Variants in RIMS1 observed in about 807,000 individuals in gnomAD.
The protein encoded by RIMS1 is regulating synaptic membrane exocytosis 1, also known as regulating synaptic membrane exocytosis protein 1.
Under a neutral mutation model 214.1 loss-of-function variants are expected in RIMS1, and 83 were observed. That is an observed-to-expected ratio of 0.39 (90% CI 0.32 to 0.47). The LOEUF is 0.47. Among genes scored for constraint, RIMS1 ranks in the 20% least tolerant of loss-of-function variants. The pLI is 0.99. For synonymous variants in RIMS1, 793 were observed against 786.8 expected (o/e 1.01, Z -0.13); for missense variants, 2,050 against 2,161.8 (o/e 0.95, Z 1.03).
In RIMS1 at chr6:71,951,160, C is replaced by T. The variant is rs755892830; in HGVS notation, c.165-17823C>T. Among the ~76,000 whole-genome samples the T allele has an allele frequency of 4.6e-5, 7 of 152,158 alleles. 1 individual carries two copies. The East Asian group carries it at 1.3e-3, about 29-fold the overall frequency. ...CTGTTTTTATACTTTTTTCCCTTTTCTTACCTATGATGGACTGTTCAGATT... is the reference window on the plus strand; with the variant it reads ...CTGTTTTTATACTTTTTTCCCTTTTTTTACCTATGATGGACTGTTCAGATT... On this transcript the variant is annotated intron_variant, in intron 1 of 33. Coordinates refer to ENST00000521978, the MANE Select transcript of RIMS1 (RefSeq NM_014989.7).
At chr6:72,339,234 T>C (rs17689957) in intron 29 of RIMS1, among the ~76,000 whole-genome samples, 1 of 151,746 alleles carries the variant, frequency 6.6e-6, no homozygotes, top group Non-Finnish European at 1.5e-5. Flanking sequence ...GGAAGGACTT[T>C]GCACAACTGA....
At chr6:72,203,927 T>A (rs894289245) in intron 6 of RIMS1, among the ~76,000 whole-genome samples, 3 of 152,212 alleles carry the variant, frequency 2.0e-5, no homozygotes, top group Non-Finnish European at 4.4e-5. Flanking sequence ...TGAGAATTTT[T>A]TTTTGGTATC....
chr6:72,102,993 T>C (rs562309804), intron 4 of RIMS1, among the ~76,000 whole-genome samples: 66 of 152,228 alleles, frequency 4.3e-4, no homozygotes, highest in Non-Finnish European at 7.5e-4. Flanking sequence ...ACTTTTATGT[T>C]TTCTTCTTTT....
At chr6:71,961,666 C>T (rs765973336) in intron 1 of RIMS1, among the ~76,000 whole-genome samples, 4 of 152,086 alleles carry the variant, frequency 2.6e-5, no homozygotes, top group Non-Finnish European at 5.9e-5. Flanking sequence ...TTATTTGATA[C>T]CTCCCTCTGA....
At chr6:72,050,768 G>A (rs914153255) in intron 2 of RIMS1, among the ~76,000 whole-genome samples, 5 of 152,080 alleles carry the variant, frequency 3.3e-5, no homozygotes, top group Admixed American at 6.5e-5. Flanking sequence ...CTGTCTTTTC[G>A]TAAGGTTTAT....
chr6:72,058,330 AT>A (rs1249061419), intron 2 of RIMS1, among the ~76,000 whole-genome samples: 2 of 152,224 alleles, frequency 1.3e-5, no homozygotes, highest in African/African-American at 2.4e-5. Context: ...GATGACACCC[AT>A]CTTTATCATT....
At chr6:72,217,112 C>T in intron 6 of RIMS1, 2 of 1,527,964 alleles carry the variant, frequency 1.3e-6, no homozygotes, top group East Asian at 2.5e-5. Flanking sequence ...TTGTGTTGTG[C>T]ATTTGCTGCC....
At chr6:72,398,181 T>C in intron 31 of RIMS1, 68 bp from the exon 32 acceptor site, 2 of 934,268 alleles carry the variant, frequency 2.1e-6, no homozygotes, top group Admixed American at 2.0e-5. Flanking sequence ...TTACGGGCTC[T>C]CCTTTTTGTT....
At chr6:71,895,522 A>G (rs919199192) in intron 1 of RIMS1, among the ~76,000 whole-genome samples, 4 of 152,116 alleles carry the variant, frequency 2.6e-5, no homozygotes, top group African/African-American at 9.6e-5. Flanking sequence ...TAAAAATAAA[A>G]AAATTAGCCG....
intron 22 of RIMS1, among the ~76,000 whole-genome samples, chr6:72,269,984 TCAGAATTA>T (rs781315918): frequency 4.6e-5 from 7 of 152,150 alleles, no homozygotes; most frequent in Non-Finnish European, 1.0e-4. Context: ...CTTTTGCCAG[TCAGAATTA>T]TTTACTATCT....
At chr6:72,148,737 T>C in intron 4 of RIMS1, 1 of 432,274 alleles carries the variant, frequency 2.3e-6, no homozygotes. Flanking sequence ...TTCTAGGGCT[T>C]CAATCGAAAG....
intron 1 of RIMS1, among the ~76,000 whole-genome samples, chr6:71,931,925 G>C (rs1783161748): frequency 6.6e-6 from 1 of 152,040 alleles, no homozygotes; most frequent in Non-Finnish European, 1.5e-5. Context: ...ACCACAGTGA[G>C]ATACCATCTT....
At chr6:72,364,582 A>G (rs910601642) in intron 29 of RIMS1, among the ~76,000 whole-genome samples, 2 of 152,232 alleles carry the variant, frequency 1.3e-5, no homozygotes, top group Non-Finnish European at 2.9e-5. Flanking sequence ...TACAAAGTAG[A>G]GTAAGCTTCT....
chr6:72,252,625 TCA>T, intron 15 of RIMS1, 134 bp from the exon 16 acceptor site: 5 of 673,868 alleles, frequency 7.4e-6, no homozygotes, highest in Non-Finnish European at 1.3e-5. Flanking sequence ...TAAAATTAGC[TCA>T]GTGTTTACTG....
At chr6:72,361,145 G>A (rs1403953649) in intron 29 of RIMS1, among the ~76,000 whole-genome samples, 1 of 101,758 alleles carries the variant, frequency 9.8e-6, no homozygotes, top group Non-Finnish European at 1.8e-5. Flanking sequence ...TTCTCACTCT[G>A]TTGCCCAGGC....
intron 29 of RIMS1, among the ~76,000 whole-genome samples, chr6:72,335,937 ATTTG>A (rs1469711122): frequency 1.3e-5 from 2 of 151,778 alleles, no homozygotes; most frequent in Non-Finnish European, 2.9e-5. Context: ...TCTCTTGTAA[ATTTG>A]TTTAAGTTCT....
intron 6 of RIMS1, among the ~76,000 whole-genome samples, chr6:72,201,522 T>G (rs1308594250): frequency 6.6e-6 from 1 of 152,194 alleles, no homozygotes; most frequent in African/African-American, 2.4e-5. Context: ...AACAGAAATC[T>G]CAGACCTGGA....
intron 2 of RIMS1, among the ~76,000 whole-genome samples, chr6:71,988,566 A>G (rs1170237981): frequency 1.3e-5 from 2 of 152,194 alleles, no homozygotes; most frequent in African/African-American, 2.4e-5. Context: ...GATAAATTGG[A>G]AAAACATGAA....
intron 4 of RIMS1, among the ~76,000 whole-genome samples, chr6:72,139,091 G>C (rs772026223): frequency 1.3e-5 from 2 of 152,000 alleles, no homozygotes; most frequent in Non-Finnish European, 2.9e-5. Flanking sequence ...TATACATAAA[G>C]ATACATGCCT....
Sources: gnomAD v4.1 joint callset for allele counts (sites outside exome capture counted in the v4.1 genomes callset) on GRCh38, gnomAD v4.1.1 for gene constraint, MANE v1.5 for transcripts, NCBI Gene and HGNC (gene_info 2026-07-23, HGNC 2026-07-21) for gene names.